The following ANO3 variants were observed in gnomAD, a reference collection of about 807,000 sequenced individuals.
ANO3 encodes the protein anoctamin 3.
A neutral mutation model predicts 144.8 loss-of-function variants in ANO3; 99 were observed. That is an observed-to-expected ratio of 0.68 (90% CI 0.58 to 0.81). ANO3 has a LOEUF of 0.81. ANO3 is among the 30% of genes least tolerant of loss of function. The pLI, the probability that ANO3 is intolerant of heterozygous loss-of-function variation, is 0.00. For synonymous variants in ANO3, 414 were observed against 392.6 expected, an observed-to-expected ratio of 1.05 and a Z score of -0.64; for missense variants, 905 against 1,202.2, an observed-to-expected ratio of 0.75 and a Z score of 3.66.
chr11:26,424,863 C>G (rs76446374), intron 1 of ANO3, among the ~76,000 whole-genome samples: 5,513 of 151,522 alleles, frequency 0.036, 336 homozygotes, highest in African/African-American at 0.13. Context: ...GGGGGAATTC[C>G]TCTTCAAAAT....
chr11:26,580,066 A>G (rs1403841976), intron 14 of ANO3, among the ~76,000 whole-genome samples: 1 of 136,426 alleles, frequency 7.3e-6, no homozygotes, highest in South Asian at 2.3e-4. Context: ...AAAAGTAATG[A>G]GAATGGAAAA....
At chr11:26,371,135 C>A (rs1371203007) in intron 1 of ANO3, among the ~76,000 whole-genome samples, 1 of 152,154 alleles carries the variant, frequency 6.6e-6, no homozygotes, top group East Asian at 1.9e-4. Context: ...GGCCAAGGGG[C>A]ATCCAGCTCT....
intron 14 of ANO3, among the ~76,000 whole-genome samples, chr11:26,596,305 G>A (rs1851627198): frequency 6.6e-6 from 1 of 151,978 alleles, no homozygotes; most frequent in African/African-American, 2.4e-5. Context: ...AAGGATTTTG[G>A]AAACATAGTG....
At chr11:26,504,067 G>C (rs10834993) in intron 4 of ANO3, among the ~76,000 whole-genome samples, 90,457 of 151,404 alleles carry the variant, frequency 0.6, 27,658 homozygotes, top group East Asian at 0.68. Flanking sequence ...AAGAAAATTT[G>C]TGTTTTATTT....
intron 12 of ANO3, among the ~76,000 whole-genome samples, chr11:26,548,718 A>G (rs781641404): frequency 6.6e-6 from 1 of 151,980 alleles, no homozygotes; most frequent in Non-Finnish European, 1.5e-5. Context: ...ATGCCAAAAG[A>G]TAGATAGCAT....
intron 4 of ANO3, among the ~76,000 whole-genome samples, chr11:26,473,051 C>A (rs1383065052): frequency 6.6e-6 from 1 of 151,938 alleles, no homozygotes; most frequent in African/African-American, 2.4e-5. Flanking sequence ...TCCCTTCATG[C>A]CACAGACAAT....
chr11:26,255,576 A>G (rs1182914906), intron 1 of ANO3, among the ~76,000 whole-genome samples: 1 of 152,124 alleles, frequency 6.6e-6, no homozygotes, highest in Non-Finnish European at 1.5e-5. Flanking sequence ...GCTAGATAAG[A>G]GCCCAAGAAA....
chr11:26,496,408 C>T (rs905311657), intron 4 of ANO3, among the ~76,000 whole-genome samples: 1 of 152,194 alleles, frequency 6.6e-6, no homozygotes, highest in African/African-American at 2.4e-5. Flanking sequence ...TTTGCAGGAT[C>T]TGCAGATGTC....
intron 3 of ANO3, among the ~76,000 whole-genome samples, chr11:26,453,900 C>T (rs1373189480): frequency 6.6e-6 from 1 of 152,034 alleles, no homozygotes; most frequent in Non-Finnish European, 1.5e-5. Flanking sequence ...TACAATCAAA[C>T]TAGAACTCAG....
In ANO3 at chr11:26,660,612, G is replaced by A; in HGVS notation, c.*168G>A. ...TCTGGGATTTGAAATATCCAGACTT[G>A]TAGGGAAGAAAACAATGACTTGACG... On this transcript the variant is annotated 3_prime_UTR_variant, in exon 27 of 27. Coordinates refer to ENST00000256737, the MANE Select transcript of ANO3 (RefSeq NM_031418.4). The A allele has an allele frequency of 1.7e-6, 1 of 603,690 alleles. No homozygotes were observed. Among genetic ancestry groups the A allele is most frequent in the Middle Eastern group, 2.7e-4 (1 of 3,750 alleles). 37.4% of individuals were successfully genotyped at this position (603,690 alleles called of 1,614,324 possible). A position where few individuals can be genotyped will look rare whatever the true frequency, so the allele number is the denominator to read the frequency against.
At chr11:26,189,626 G>A (rs901811549) in intron 1 of ANO3, among the ~76,000 whole-genome samples, 2 of 152,124 alleles carry the variant, frequency 1.3e-5, no homozygotes, top group Non-Finnish European at 2.9e-5. Context: ...GCCTATCAAG[G>A]CTTAGTTTTG....
chr11:26,609,845 A>C (rs546596236), intron 17 of ANO3, among the ~76,000 whole-genome samples: 1 of 152,182 alleles, frequency 6.6e-6, no homozygotes, highest in African/African-American at 2.4e-5. Flanking sequence ...ATACTAATTT[A>C]CAATTCCACC....
In ANO3 at chr11:26,509,097, C is replaced by CTT. The variant is rs1203908865; in HGVS notation, c.591+836_591+837insTT. Among the ~76,000 whole-genome samples the CTT allele has an allele frequency of 7.0e-3, 761 of 108,124 alleles. 4 individuals are homozygous for CTT. The highest frequency in any genetic ancestry group is 0.023 in the African/African-American group (740 of 31,546). The allele number at this position is 108,124 out of a possible 152,430, so 70.9% of individuals were successfully genotyped here. On this transcript the variant is annotated intron_variant, in intron 5 of 26. Transcript: ENST00000256737. ...TACATATATATACACACATCTATCT[C>CTT]TCTCTCTCTATATATATATATATAT...
chr11:26,263,989 T>C (rs1222945777), intron 1 of ANO3, among the ~76,000 whole-genome samples: 2 of 152,222 alleles, frequency 1.3e-5, no homozygotes, highest in Non-Finnish European at 2.9e-5. Context: ...TTTAGTTCCA[T>C]GTAATCACAT....
chr11:26,307,076 C>T (rs2133867540), upstream of ANO3, among the ~76,000 whole-genome samples: 1 of 152,200 alleles, frequency 6.6e-6, no homozygotes, highest in South Asian at 2.1e-4. Flanking sequence ...ATAGGGTTGG[C>T]TGGGTATGGT....
Position 26,547,392 on chromosome 11 carries a change from CT to C in ANO3, c.1155-23del, listed in dbSNP as rs749385044. On this transcript the variant is annotated intron_variant, in intron 11 of 26. Transcript: ENST00000256737. ...ATTGCTTATGTTGCCTTAACTCAGT[CT>C]AAGGATTTGCTTTCTCATGCAGGCT... 6.2e-6 allele frequency: 10 copies of C among 1,608,046 alleles called. No individual in the cohort carries two copies. In the East Asian group the frequency reaches 2.2e-4, roughly 36 times the overall value.
At chr11:26,338,350 C>T (rs1238180735) in intron 1 of ANO3, among the ~76,000 whole-genome samples, 1 of 152,164 alleles carries the variant, frequency 6.6e-6, no homozygotes, top group East Asian at 1.9e-4. Context: ...TGTAAAAATG[C>T]ACTAATCAGT....
At chr11:26,331,478 C>G (rs1855038839), upstream of ANO3, 2 of 152,124 alleles carry the variant, frequency 1.3e-5, no homozygotes, top group African/African-American at 4.8e-5. Context: ...TTGCTCTGAT[C>G]TTAAGTTTCT....
At chr11:26,364,635 G>C (rs182818965) in intron 1 of ANO3, among the ~76,000 whole-genome samples, 1 of 152,094 alleles carries the variant, frequency 6.6e-6, no homozygotes, top group Non-Finnish European at 1.5e-5. Context: ...GAGAGAGAGT[G>C]GGGGTGGAGG....
Sources: gnomAD v4.1 joint callset for allele counts (sites outside exome capture counted in the v4.1 genomes callset) on GRCh38, gnomAD v4.1.1 for gene constraint, MANE v1.5 for transcripts, NCBI Gene and HGNC (gene_info 2026-07-23, HGNC 2026-07-21) for gene names.